SORL1: variants seen among roughly 807,000 people sequenced by gnomAD.
SORL1 encodes sortilin-related receptor.
SORL1 carries 127 observed loss-of-function variants against 273.7 expected under a neutral mutation model. The observed-to-expected ratio is 0.46, with a 90% confidence interval of 0.40 to 0.54. The LOEUF is 0.54. Among genes scored for constraint, SORL1 ranks in the 20% least tolerant of loss-of-function variants. SORL1 has a pLI of 0.00. For missense variants in SORL1, 2,494 were observed against 2,846.1 expected, an observed-to-expected ratio of 0.88 and a Z score of 2.81; for synonymous variants, 1,031 against 1,067.4, an observed-to-expected ratio of 0.97 and a Z score of 0.66.
At chr11:121,589,492 T>A in intron 29 of SORL1, 102 bp downstream of exon 29, 1 of 1,415,848 alleles carries the variant, frequency 7.1e-7, no homozygotes, top group Non-Finnish European at 9.9e-7. Context: ...AGACTTGGCC[T>A]TCCCGTAACT....
At position 121,631,342 on chromosome 11, in the gene SORL1, T is replaced by TC. The variant is rs1420277122; in HGVS notation, c.*1780dup. The TC allele has an allele frequency of 6.8e-6, 1 of 146,862 alleles. No homozygotes were observed. Among genetic ancestry groups the TC allele is most frequent in the Non-Finnish European group, 1.5e-5 (1 of 65,754 alleles). 9.1% of individuals were successfully genotyped at this position (146,862 alleles called of 1,614,324 possible). A position where few individuals can be genotyped will look rare whatever the true frequency, so the allele number is the denominator to read the frequency against. The stretch of plus-strand genomic sequence containing the variant: ...TGATAAGCCTTCTTCTAGCGTATTT[T>TC]CTCTTCTTTCCTGTCACTTTCCTAA... On this transcript the variant is annotated 3_prime_UTR_variant, in exon 48 of 48. Transcript: ENST00000260197.
chr11:121,536,390 C>G (rs1308156177), intron 12 of SORL1, among the ~76,000 whole-genome samples: 1 of 151,630 alleles, frequency 6.6e-6, no homozygotes, highest in Non-Finnish European at 1.5e-5. Context: ...TTTTTCTGCC[C>G]CTTGAGGTAT....
At chr11:121,612,208 G>A (rs118052868) in intron 39 of SORL1, 1 of 152,778 alleles carries the variant, frequency 6.5e-6, no homozygotes, top group East Asian at 1.9e-4. Flanking sequence ...TGTAGTCTTT[G>A]ATCTTGAAAA....
intron 5 of SORL1, among the ~76,000 whole-genome samples, chr11:121,491,348 A>G (rs1861550074): frequency 6.6e-6 from 1 of 152,206 alleles, no homozygotes; most frequent in Non-Finnish European, 1.5e-5. Context: ...ATCGTAATTT[A>G]CTATTACAGT....
chr11:121,469,973 C>G, intron 1 of SORL1, 34 bp from the exon 2 acceptor site: 1 of 1,335,450 alleles, frequency 7.5e-7, no homozygotes. Flanking sequence ...CATCACTTAT[C>G]GTGGGTCCTA....
chr11:121,614,742 C>A, intron 40 of SORL1, 129 bp from the exon 41 acceptor site: 1 of 713,560 alleles, frequency 1.4e-6, no homozygotes, highest in South Asian at 1.6e-5. Context: ...TAATGACAGT[C>A]CTACAGCACA....
intron 3 of SORL1, among the ~76,000 whole-genome samples, chr11:121,482,262 G>A (rs377545566): frequency 2.6e-5 from 4 of 152,330 alleles, no homozygotes; most frequent in African/African-American, 9.6e-5. Flanking sequence ...GGTGATTCCA[G>A]TAAGGGAGTT....
chr11:121,480,703 T>TGTC (rs1218987228), intron 3 of SORL1, among the ~76,000 whole-genome samples: 1 of 143,092 alleles, frequency 7.0e-6, no homozygotes, highest in South Asian at 2.2e-4. Context: ...GCAGGCTCCA[T>TGTC]CTCCTCCTCC....
chr11:121,567,183 G>T, intron 22 of SORL1, 70 bp downstream of exon 22: 2 of 1,336,066 alleles, frequency 1.5e-6, no homozygotes, highest in African/African-American at 1.5e-5. Context: ...AGGGGAGGGA[G>T]GGATAGCTCT....
At chr11:121,536,463 C>T (rs1473672829) in intron 12 of SORL1, among the ~76,000 whole-genome samples, 5 of 138,362 alleles carry the variant, frequency 3.6e-5, no homozygotes, top group Non-Finnish European at 6.1e-5. Flanking sequence ...TTCAGTGGTG[C>T]GATCTCGGCT....
rs1160036079 is a variant in SORL1 at position 121,483,116 on chromosome 11, CA to C, written c.528+4874del. Reference sequence around the variant, plus strand: ...CTTAATAATTTTTAAAAAATAGAGACAGGGGTCTTGCTCTGCCATACATCCT... The same window carrying C: ...CTTAATAATTTTTAAAAAATAGAGACGGGGTCTTGCTCTGCCATACATCCT... On this transcript the variant is annotated intron_variant, in intron 3 of 47. Transcript: ENST00000260197. Among the ~76,000 whole-genome samples, 8 of 152,218 alleles carry C rather than the reference CA, an allele frequency of 5.3e-5. 1 individual carries two copies. The highest frequency in any genetic ancestry group is 1.7e-4 in the African/African-American group (7 of 41,448).
chr11:121,549,295 T>A (rs1219476610), intron 14 of SORL1, among the ~76,000 whole-genome samples: 1 of 152,176 alleles, frequency 6.6e-6, no homozygotes, highest in Admixed American at 6.5e-5. Flanking sequence ...CAATCACGGC[T>A]CACTACAGCC....
At chr11:121,608,264 C>A (rs1452738316) in intron 38 of SORL1, 88 bp downstream of exon 38, 2 of 1,103,122 alleles carry the variant, frequency 1.8e-6, no homozygotes, top group Non-Finnish European at 2.7e-6. Flanking sequence ...AATGGAGAAA[C>A]GTAGTTTAGA....
rs67390938 is a variant in SORL1 at position 121,547,417 on chromosome 11, C to CAAAAAAAAAAAAAAAAAAAA, written c.2051+1997_2051+2016dup. Among the ~76,000 whole-genome samples, 7 of 24,034 alleles carry CAAAAAAAAAAAAAAAAAAAA rather than the reference C, an allele frequency of 2.9e-4. 1 individual carries two copies. Among genetic ancestry groups the CAAAAAAAAAAAAAAAAAAAA allele is most frequent in the African/African-American group, 7.3e-4 (3 of 4,102 alleles). 15.8% of individuals were successfully genotyped at this position (24,034 alleles called of 152,430 possible). ...TGCCCTACATTTCCCCAACCCTCAC[C>CAAAAAAAAAAAAAAAAAAAA]AAAAAAAAAAAAAAAAAAAAAAAAA... On this transcript the variant is annotated intron_variant, in intron 14 of 47. Transcript: ENST00000260197.
Position 121,629,517 on chromosome 11 carries a change from C to G in SORL1, c.6599C>G (p.Pro2200Arg), listed in dbSNP as rs149053951. Residue 2200 changes from proline (P) to arginine (R), a missense_variant, in exon 48 of 48, where the codon CCT (proline) becomes CGT (arginine). Transcript: ENST00000260197. ...DDLGEDDEDA[P>R]MITGFSDDVP... ...CTAGGGGAAGATGATGAAGATGCCCCTATGATAACTGGATTTTCAGATGAC... is the reference window on the plus strand; with the variant it reads ...CTAGGGGAAGATGATGAAGATGCCCGTATGATAACTGGATTTTCAGATGAC... 2 of 1,589,022 alleles carry G rather than the reference C, an allele frequency of 1.3e-6. No individual in the cohort carries two copies. The highest frequency in any genetic ancestry group is 1.3e-5 in the African/African-American group (1 of 74,402).
rs1419484135 is a variant in SORL1, at chr11:121,539,911, A to G, written c.1686-3637A>G. ...TATTGGCCATCAGAGCAATGATCCT[A>G]TTCCTTTCTAATTCTTTATAGAACT... On this transcript the variant is annotated intron_variant, in intron 12 of 47. Transcript: ENST00000260197. 5.3e-5 allele frequency among the ~76,000 whole-genome samples: 8 copies of G among 152,292 alleles called. No individual in the cohort carries two copies. The East Asian group carries it at 1.4e-3, about 26-fold the overall frequency.
At chr11:121,576,934 C>T in intron 24 of SORL1, 1 of 1,535,010 alleles carries the variant, frequency 6.5e-7, no homozygotes, top group Non-Finnish European at 8.7e-7. Context: ...ACTTCCTGGC[C>T]TCCTCTATCA....
rs1863881676 is a variant in SORL1 at position 121,631,875 on chromosome 11, T to C, written c.*2312T>C. ...GATAGCTGCAGCTATATGTAAATTG[T>C]ATATTTTTATGAACTTTTGAAGCAC... On this transcript the variant is annotated 3_prime_UTR_variant, in exon 48 of 48. Coordinates refer to ENST00000260197, the MANE Select transcript of SORL1 (RefSeq NM_003105.6). 1 of 152,258 alleles carries C rather than the reference T, an allele frequency of 6.6e-6. No individual in the cohort carries two copies. The allele number at this position is 152,258 out of a possible 1,614,324, so 9.4% of individuals were successfully genotyped here.
chr11:121,542,784 G>A (rs1019337103), intron 12 of SORL1, among the ~76,000 whole-genome samples: 3 of 150,932 alleles, frequency 2.0e-5, no homozygotes, highest in Non-Finnish European at 4.4e-5. Context: ...GTGTGATTTA[G>A]TTATTGCAGT....
Sources: allele counts gnomAD v4.1 joint callset (sites outside exome capture counted in the v4.1 genomes callset), GRCh38; gene constraint gnomAD v4.1.1; transcripts MANE v1.5; gene names NCBI Gene and HGNC (gene_info 2026-07-23, HGNC 2026-07-21).